Variants in LSAMP observed in about 807,000 individuals in gnomAD.
The protein encoded by LSAMP is limbic system associated membrane protein, also known as limbic system-associated membrane protein.
In LSAMP, 7 loss-of-function variants were observed where a neutral mutation model predicts 38.6. That is an observed-to-expected ratio of 0.18 (90% CI 0.10 to 0.34). LSAMP has a LOEUF of 0.34. Among genes scored for constraint, LSAMP ranks in the 10% least tolerant of loss-of-function variants. The probability of loss-of-function intolerance (pLI) is 1.00; values close to 1 mark genes in which losing one functional copy is unlikely to be tolerated. For missense variants in LSAMP, 313 were observed against 420.0 expected, an observed-to-expected ratio of 0.75 and a Z score of 2.23; for synonymous variants, 154 against 166.8, an observed-to-expected ratio of 0.92 and a Z score of 0.59.
chr3:116,100,224 G>A (rs895206931), intron 1 of LSAMP, among the ~76,000 whole-genome samples: 5 of 151,858 alleles, frequency 3.3e-5, no homozygotes, highest in Non-Finnish European at 5.9e-5. Context: ...TGGGAATACA[G>A]GTGCATGCCA....
chr3:116,355,742 A>G (rs1174237921), intron 1 of LSAMP, among the ~76,000 whole-genome samples: 1 of 152,240 alleles, frequency 6.6e-6, no homozygotes, highest in African/African-American at 2.4e-5. Flanking sequence ...TCTACAGGAA[A>G]AAATCTAATA....
intron 3 of LSAMP, among the ~76,000 whole-genome samples, chr3:116,004,923 T>C (rs548639087): frequency 1.3e-5 from 2 of 152,266 alleles, no homozygotes; most frequent in African/African-American, 2.4e-5. Context: ...AGCTCCTACA[T>C]ACGTGAGAAA....
chr3:116,423,462 G>A (rs2049156786), intron 1 of LSAMP, among the ~76,000 whole-genome samples: 1 of 152,184 alleles, frequency 6.6e-6, no homozygotes, highest in African/African-American at 2.4e-5. Context: ...GGAAAGCAAT[G>A]TTAAAGATGT....
At chr3:116,244,033 G>A (rs570840802) in intron 1 of LSAMP, among the ~76,000 whole-genome samples, 8 of 152,112 alleles carry the variant, frequency 5.3e-5, no homozygotes, top group East Asian at 1.9e-4. Flanking sequence ...AACTTTTACC[G>A]CTGTGCTTTA....
intron 3 of LSAMP, among the ~76,000 whole-genome samples, chr3:115,986,547 G>C (rs1164293235): frequency 6.6e-6 from 1 of 152,030 alleles, no homozygotes; most frequent in African/African-American, 2.4e-5. Context: ...TAAACCCTGG[G>C]CCACCACGAG....
At chr3:116,185,577 A>G (rs1223422406) in intron 1 of LSAMP, among the ~76,000 whole-genome samples, 1 of 152,042 alleles carries the variant, frequency 6.6e-6, no homozygotes, top group East Asian at 1.9e-4. Context: ...TCCCTTATGT[A>G]TCTTCCTCAT....
intron 1 of LSAMP, among the ~76,000 whole-genome samples, chr3:116,275,782 C>T (rs867611248): frequency 1.6e-4 from 25 of 152,294 alleles, no homozygotes; most frequent in Middle Eastern, 3.4e-3. Flanking sequence ...CTAATTCCTA[C>T]TTCTCTTCTC....
intron 3 of LSAMP, among the ~76,000 whole-genome samples, chr3:115,978,504 G>C: frequency 6.6e-6 from 1 of 151,630 alleles, no homozygotes; most frequent in South Asian, 2.1e-4. Context: ...GAATAACAAT[G>C]GTGTCAAGCA....
intron 1 of LSAMP, among the ~76,000 whole-genome samples, chr3:116,173,027 T>A (rs1710242053): frequency 6.6e-6 from 1 of 151,984 alleles, no homozygotes; most frequent in Admixed American, 6.6e-5. Flanking sequence ...TCCACTAAAT[T>A]CTCAAAAATC....
At chr3:116,154,302 A>T (rs896471615) in intron 1 of LSAMP, among the ~76,000 whole-genome samples, 1 of 152,254 alleles carries the variant, frequency 6.6e-6, no homozygotes, top group East Asian at 1.9e-4. Context: ...TACACTATGT[A>T]CCTTGACTAA....
intron 3 of LSAMP, among the ~76,000 whole-genome samples, chr3:115,939,609 G>A (rs370070329): frequency 2.4e-5 from 3 of 126,176 alleles, no homozygotes; most frequent in East Asian, 2.4e-4. Context: ...CTGGAGTGCA[G>A]TGGTGTGACA....
At chr3:116,197,213 G>T (rs976721783) in intron 1 of LSAMP, among the ~76,000 whole-genome samples, 16 of 150,624 alleles carry the variant, frequency 1.1e-4, no homozygotes, top group African/African-American at 3.4e-4. Context: ...CCCACTCCCT[G>T]TTGTAACCTT....
At chr3:115,879,119 C>A (rs1454883110) in intron 3 of LSAMP, among the ~76,000 whole-genome samples, 2 of 152,110 alleles carry the variant, frequency 1.3e-5, no homozygotes, top group Non-Finnish European at 2.9e-5. Context: ...TCATTATTAC[C>A]ATTCCTTGGG....
At chr3:116,161,756 A>C (rs1333146938) in intron 1 of LSAMP, among the ~76,000 whole-genome samples, 1 of 152,166 alleles carries the variant, frequency 6.6e-6, no homozygotes, top group African/African-American at 2.4e-5. Context: ...TCCATGCACC[A>C]AAAAAGATGA....
intron 1 of LSAMP, among the ~76,000 whole-genome samples, chr3:116,181,551 A>C (rs1710485388): frequency 6.6e-6 from 1 of 152,104 alleles, no homozygotes; most frequent in African/African-American, 2.4e-5. Flanking sequence ...CATCATTCAC[A>C]GTATCAGAAA....
intron 1 of LSAMP, among the ~76,000 whole-genome samples, chr3:116,166,537 G>A (rs1710053669): frequency 6.6e-6 from 1 of 152,104 alleles, no homozygotes; most frequent in Non-Finnish European, 1.5e-5. Flanking sequence ...CTGAAACAAC[G>A]ATAACACCAT....
intron 1 of LSAMP, among the ~76,000 whole-genome samples, chr3:116,432,153 T>C (rs2049290076): frequency 6.6e-6 from 1 of 151,908 alleles, no homozygotes; most frequent in African/African-American, 2.4e-5. Flanking sequence ...GTTTACATGC[T>C]TGATACCCTT....
rs771152465 is a variant in LSAMP, at chr3:115,804,252, A to G, written c.*6065T>C. On this transcript the variant is annotated 3_prime_UTR_variant, in exon 7 of 7. Transcript: ENST00000490035. ...AGATAACAAACAGCTGCTGTTTACA[A>G]ACAGTGCTGGGCACAGCACTAAGTG... is the stretch of plus-strand genomic sequence containing the variant. 2.6e-5 allele frequency: 4 copies of G among 152,232 alleles called. No homozygotes were observed. Among genetic ancestry groups the G allele is most frequent in the Non-Finnish European group, 5.9e-5 (4 of 68,030 alleles). The allele number at this position is 152,232 out of a possible 1,614,324, so 9.4% of individuals were successfully genotyped here. A position where few individuals can be genotyped will look rare whatever the true frequency, so the allele number is the denominator to read the frequency against.
intron 1 of LSAMP, among the ~76,000 whole-genome samples, chr3:116,227,529 C>T (rs2046355605): frequency 1.3e-5 from 2 of 152,212 alleles, no homozygotes; most frequent in African/African-American, 4.8e-5. Flanking sequence ...CAGCTTTAAT[C>T]TGCTTAACTG....
Sources: allele counts gnomAD v4.1 joint callset (sites outside exome capture counted in the v4.1 genomes callset), GRCh38; gene constraint gnomAD v4.1.1; transcripts MANE v1.5; gene names NCBI Gene and HGNC (gene_info 2026-07-23, HGNC 2026-07-21).